Variants in VPS13B observed in about 807,000 individuals in gnomAD.
The protein encoded by VPS13B is intermembrane lipid transfer protein VPS13B.
Under a neutral mutation model 426.4 loss-of-function variants are expected in VPS13B, and 285 were observed. The observed-to-expected ratio is 0.67, with a 90% confidence interval of 0.61 to 0.74. The LOEUF (loss-of-function observed/expected upper bound fraction) is 0.74, where lower values mean the gene tolerates loss of function less well. VPS13B is among the 30% of genes least tolerant of loss of function. The pLI is 0.00. For synonymous variants in VPS13B, 1,676 were observed against 1,676.4 expected (o/e 1.00, Z 0.01); for missense variants, 4,537 against 4,782.6 (o/e 0.95, Z 1.51).
intron 14 of VPS13B, 85 bp from the exon 15 acceptor site, chr8:99,156,464 G>A (rs1811370053): frequency 1.2e-5 from 16 of 1,317,296 alleles, no homozygotes; most frequent in Non-Finnish European, 1.7e-5. Context: ...CTGCAAATGT[G>A]CAGATCTGAA....
intron 5 of VPS13B, among the ~76,000 whole-genome samples, chr8:99,103,990 T>TG (rs777167088): frequency 9.2e-5 from 14 of 152,216 alleles, no homozygotes; most frequent in Non-Finnish European, 1.8e-4. Flanking sequence ...GCCACATGCT[T>TG]GTTTCAAATG....
At chr8:99,196,972 C>A (rs1314674705) in intron 17 of VPS13B, among the ~76,000 whole-genome samples, 1 of 152,036 alleles carries the variant, frequency 6.6e-6, no homozygotes, top group African/African-American at 2.4e-5. Flanking sequence ...TTCTGCATGT[C>A]CTTTATTGTG....
intron 33 of VPS13B, among the ~76,000 whole-genome samples, chr8:99,626,561 G>C (rs961543966): frequency 1.3e-5 from 2 of 152,150 alleles, no homozygotes; most frequent in Non-Finnish European, 2.9e-5. Context: ...TATACAAAAA[G>C]CACATTTATA....
At chr8:99,134,976 A>T (rs1482206783) in intron 9 of VPS13B, 39 bp from the exon 10 acceptor site, 5 of 1,611,848 alleles carry the variant, frequency 3.1e-6, no homozygotes, top group Non-Finnish European at 3.4e-6. Context: ...TTTTTATTAA[A>T]TTCAATTCTT....
intron 43 of VPS13B, among the ~76,000 whole-genome samples, chr8:99,808,435 G>A (rs555242174): frequency 6.7e-6 from 1 of 148,444 alleles, no homozygotes; most frequent in East Asian, 2.0e-4. Context: ...AGAATCGCTT[G>A]AACCCAGGAC....
chr8:99,211,668 T>G (rs1017465062), intron 17 of VPS13B, among the ~76,000 whole-genome samples: 5 of 152,100 alleles, frequency 3.3e-5, no homozygotes, highest in Admixed American at 1.3e-4. Context: ...TCCCAGCTAA[T>G]CAGGAGGCTG....
intron 5 of VPS13B, among the ~76,000 whole-genome samples, chr8:99,106,862 T>C (rs139971241): frequency 1.2e-4 from 19 of 152,208 alleles, no homozygotes; most frequent in African/African-American, 4.6e-4. Flanking sequence ...CCTGGATATA[T>C]GTGGGATGGC....
intron 8 of VPS13B, among the ~76,000 whole-genome samples, chr8:99,131,210 CT>C (rs139764647): frequency 1.6e-3 from 248 of 152,166 alleles, no homozygotes; most frequent in Non-Finnish European, 3.0e-3. Context: ...CCCAGTTTCC[CT>C]TATTGTTATG....
intron 15 of VPS13B, among the ~76,000 whole-genome samples, chr8:99,160,587 G>C (rs988849704): frequency 6.7e-6 from 1 of 149,200 alleles, no homozygotes. Context: ...GGAGGTCAAG[G>C]TTGCAGTGAG....
chr8:99,681,504 T>C (rs928071753), intron 35 of VPS13B, among the ~76,000 whole-genome samples: 4 of 152,140 alleles, frequency 2.6e-5, no homozygotes, highest in African/African-American at 9.7e-5. Flanking sequence ...TGGAAACAAA[T>C]ATACAAAAAA....
rs76866674 is a variant in VPS13B at position 99,650,008 on chromosome 8, G to A, written c.5908+7510G>A. Among the ~76,000 whole-genome samples, 753 of 152,206 alleles carry A rather than the reference G, an allele frequency of 4.9e-3. 3 individuals are homozygous for A. Among genetic ancestry groups the A allele is most frequent in the African/African-American group, 0.017 (722 of 41,528 alleles). On this transcript the variant is annotated intron_variant, in intron 34 of 61. Transcript: ENST00000357162. ...TATTTGCTTTTTGTGTCTTTTACAA[G>A]GTTTTTAATTGTAAGCAGCATGAGA...
At chr8:99,229,114 A>G (rs1433712201) in intron 17 of VPS13B, among the ~76,000 whole-genome samples, 1 of 152,168 alleles carries the variant, frequency 6.6e-6, no homozygotes, top group Non-Finnish European at 1.5e-5. Flanking sequence ...TAGGACTGCA[A>G]ACTGCGTACT....
At position 99,091,788 on chromosome 8, in the gene VPS13B, A is replaced by G. The variant is rs566190388; in HGVS notation, c.292-4524A>G. The G allele has an allele frequency of 2.0e-5, 3 of 152,306 alleles. No individual in the cohort carries two copies. The South Asian group carries it at 6.2e-4, about 32-fold the overall frequency. 9.4% of individuals were successfully genotyped at this position (152,306 alleles called of 1,614,324 possible). On this transcript the variant is annotated intron_variant, in intron 3 of 61. Transcript: ENST00000357162. The stretch of plus-strand genomic sequence containing the variant: ...CTTGCTACTGGAGAGGATAGAGGTG[A>G]ATGTTCCTAAAAGCCTTGTAGCAGT...
intron 12 of VPS13B, among the ~76,000 whole-genome samples, chr8:99,139,804 T>C (rs1183013870): frequency 6.6e-6 from 1 of 151,702 alleles, no homozygotes; most frequent in African/African-American, 2.4e-5. Flanking sequence ...TAAGTATTAA[T>C]GAGCTAGGAA....
chr8:99,699,573 T>G lies in VPS13B; in HGVS notation c.6095T>G (p.Phe2032Cys), dbSNP rs1226670439. 19 of 1,613,968 alleles carry G rather than the reference T, an allele frequency of 1.2e-5. No individual in the cohort carries two copies. Among genetic ancestry groups the G allele is most frequent in the Non-Finnish European group, 1.5e-5 (18 of 1,180,026 alleles). Reference protein sequence around the residue: ...ISKPLKANLSFTKLDQINLFL... With the variant: ...ISKPLKANLSCTKLDQINLFL... The stretch of plus-strand genomic sequence containing the variant: ...AAGCCTTTGAAAGCAAACCTGAGTT[T>G]CACCAAACTGGATCAGATAAACCTT... The change falls in exon 36 of 62, where the codon TTC (phenylalanine) becomes TGC (cysteine). Residue 2032 changes from phenylalanine (F) to cysteine (C), a missense_variant. Physicochemically the swap from Phe to Cys is radical, Grantham distance 205 (BLOSUM62 -2). Coordinates refer to ENST00000357162, the MANE Select transcript of VPS13B (RefSeq NM_152564.5).
At chr8:99,793,120 C>T (rs1333581620) in intron 43 of VPS13B, among the ~76,000 whole-genome samples, 7 of 150,616 alleles carry the variant, frequency 4.6e-5, no homozygotes, top group Non-Finnish European at 7.4e-5. Flanking sequence ...GGGAGGATTG[C>T]TTGACCCTTT....
intron 5 of VPS13B, among the ~76,000 whole-genome samples, chr8:99,104,444 A>G (rs901688359): frequency 6.6e-6 from 1 of 152,108 alleles, no homozygotes. Flanking sequence ...ATCATGTTTC[A>G]TTTACAAAGC....
intron 35 of VPS13B, among the ~76,000 whole-genome samples, chr8:99,673,872 C>G (rs1401730396): frequency 6.6e-6 from 1 of 151,950 alleles, no homozygotes; most frequent in African/African-American, 2.4e-5. Flanking sequence ...ATTGATCATT[C>G]AGGAGCATGT....
chr8:99,281,897 C>G (rs1563645264), intron 19 of VPS13B, among the ~76,000 whole-genome samples: 1 of 152,140 alleles, frequency 6.6e-6, no homozygotes, highest in Non-Finnish European at 1.5e-5. Context: ...ATCAATACAT[C>G]TGTTTTCAGC....
Sources: gnomAD v4.1 joint callset for allele counts (sites outside exome capture counted in the v4.1 genomes callset) on GRCh38, gnomAD v4.1.1 for gene constraint, MANE v1.5 for transcripts, NCBI Gene and HGNC (gene_info 2026-07-23, HGNC 2026-07-21) for gene names.